Variants in FAM81B observed in about 807,000 individuals in gnomAD.
FAM81B encodes the protein protein FAM81B.
A neutral mutation model predicts 58.7 loss-of-function variants in FAM81B; 60 were observed. The observed-to-expected ratio is 1.02, with a 90% CI of 0.83 to 1.27. The LOEUF (loss-of-function observed/expected upper bound fraction) is 1.27, where lower values mean the gene tolerates loss of function less well. FAM81B is among the 50% of genes most tolerant of loss of function. The pLI is 0.00. For missense variants in FAM81B, 491 were observed against 522.0 expected, an observed-to-expected ratio of 0.94 and a Z score of 0.58; for synonymous variants, 189 against 179.6, an observed-to-expected ratio of 1.05 and a Z score of -0.42.
chr5:95,393,977 T>C (rs537975636), intron 2 of FAM81B, among the ~76,000 whole-genome samples: 7 of 152,308 alleles, frequency 4.6e-5, no homozygotes, highest in East Asian at 1.9e-4. Flanking sequence ...CTGACTCTTA[T>C]GTTCAATTAG....
chr5:95,402,979 C>CCTTG (rs1762153391), intron 3 of FAM81B, among the ~76,000 whole-genome samples: 1 of 152,226 alleles, frequency 6.6e-6, no homozygotes, highest in Non-Finnish European at 1.5e-5. Flanking sequence ...TGCTTTCCAA[C>CCTTG]CTGCCAAGCT....
chr5:95,421,131 T>A (rs1310304777), intron 5 of FAM81B, among the ~76,000 whole-genome samples: 3 of 152,230 alleles, frequency 2.0e-5, no homozygotes, highest in African/African-American at 7.2e-5. Context: ...TAAGCACTCA[T>A]CTTATGCCAG....
chr5:95,391,974 C>T lies in FAM81B; in HGVS notation c.124+461C>T, dbSNP rs557711801. 6.6e-5 allele frequency among the ~76,000 whole-genome samples: 10 copies of T among 152,262 alleles called. No individual in the cohort carries two copies. In the East Asian group the frequency reaches 1.5e-3, roughly 23 times the overall value. ...CCTCAAGGATCTAGAACTAGAAATACCATTTGATCCAGCAATCCCATTAAT... is the reference window on the plus strand; with the variant it reads ...CCTCAAGGATCTAGAACTAGAAATATCATTTGATCCAGCAATCCCATTAAT... On this transcript the variant is annotated intron_variant, in intron 1 of 9. Coordinates refer to ENST00000283357, the MANE Select transcript of FAM81B (RefSeq NM_152548.3).
At chr5:95,406,036 AC>A (rs2152761894) in intron 3 of FAM81B, 1 of 154,338 alleles carries the variant, frequency 6.5e-6, no homozygotes, top group South Asian at 2.0e-4. Flanking sequence ...TTGACATTTC[AC>A]GGAGTCAGAA....
intron 5 of FAM81B, 108 bp downstream of exon 5, chr5:95,420,510 A>T: frequency 4.1e-6 from 6 of 1,449,920 alleles, no homozygotes; most frequent in Non-Finnish European, 5.6e-6. Flanking sequence ...CTACACATTA[A>T]GCTAAACTAA....
At position 95,392,819 on chromosome 5, in the gene FAM81B, T is replaced by C; in HGVS notation, c.150T>C (p.Ser50=). 1 of 1,611,460 alleles carries C rather than the reference T, an allele frequency of 6.2e-7. No homozygotes were observed. Among genetic ancestry groups the C allele is most frequent in the African/African-American group, 1.3e-5 (1 of 74,994 alleles). ...ATACAAATGTAAACAAAAGTGCCTC[T>C]CCAACTGCGACTGCAGAGGAACAGC... ...SSDTNVNKSA[S]PTATAEEQPV... is the part of the protein sequence containing the mutation. The change falls in exon 2 of 10, where the codon TCT becomes TCC. Residue 50 remains serine, a synonymous_variant. Transcript: ENST00000283357.
At chr5:95,431,335 A>C (rs1385660979) in intron 6 of FAM81B, among the ~76,000 whole-genome samples, 1 of 152,012 alleles carries the variant, frequency 6.6e-6, no homozygotes, top group African/African-American at 2.4e-5. Flanking sequence ...TAGTTTTCCT[A>C]ATATGTGTCT....
chr5:95,448,179 T>C (rs1745654938), intron 8 of FAM81B, 90 bp from the exon 9 acceptor site: 6 of 1,258,774 alleles, frequency 4.8e-6, no homozygotes, highest in South Asian at 1.5e-5. Context: ...ATGCTTAACA[T>C]AGAAAAATGA....
At chr5:95,448,925 C>A in intron 9 of FAM81B, 1 of 286,040 alleles carries the variant, frequency 3.5e-6, no homozygotes, top group Non-Finnish European at 6.9e-6. Flanking sequence ...TAGCAGAGTC[C>A]AGTATAATGA....
intron 4 of FAM81B, among the ~76,000 whole-genome samples, chr5:95,418,372 G>T (rs1451391432): frequency 6.6e-6 from 1 of 152,040 alleles, no homozygotes; most frequent in Non-Finnish European, 1.5e-5. Context: ...CAGGGAAAAG[G>T]TTGAAGTTCT....
At chr5:95,443,498 T>C (rs915468764) in intron 7 of FAM81B, among the ~76,000 whole-genome samples, 1 of 152,176 alleles carries the variant, frequency 6.6e-6, no homozygotes, top group African/African-American at 2.4e-5. Flanking sequence ...CTCATACACC[T>C]ATTGAAATAG....
At chr5:95,404,896 A>G (rs551313856) in intron 3 of FAM81B, among the ~76,000 whole-genome samples, 100 of 152,308 alleles carry the variant, frequency 6.6e-4, no homozygotes, top group Non-Finnish European at 1.1e-3. Flanking sequence ...GAGAAGGCCT[A>G]TGTGGTTGAA....
chr5:95,421,484 G>A (rs1762682498), intron 5 of FAM81B, among the ~76,000 whole-genome samples: 1 of 152,214 alleles, frequency 6.6e-6, no homozygotes, highest in African/African-American at 2.4e-5. Flanking sequence ...TGGTATTTTG[G>A]AGAAGGCATT....
chr5:95,443,182 C>T (rs1383784662), intron 7 of FAM81B, among the ~76,000 whole-genome samples: 1 of 152,142 alleles, frequency 6.6e-6, no homozygotes, highest in South Asian at 2.1e-4. Context: ...CCAAGGAAGG[C>T]GGACCCTGGC....
intron 8 of FAM81B, among the ~76,000 whole-genome samples, chr5:95,447,898 G>A (rs912276044): frequency 2.6e-5 from 4 of 152,170 alleles, no homozygotes; most frequent in African/African-American, 9.7e-5. Context: ...GACTGGAATG[G>A]CGAGTCACTA....
chr5:95,393,683 T>A (rs1225661946), intron 2 of FAM81B, among the ~76,000 whole-genome samples: 2 of 152,188 alleles, frequency 1.3e-5, no homozygotes, highest in Non-Finnish European at 1.5e-5. Context: ...TTTCTTTCCA[T>A]AATAAGGGTT....
chr5:95,408,720 C>T (rs2152762468), intron 3 of FAM81B, among the ~76,000 whole-genome samples: 1 of 152,338 alleles, frequency 6.6e-6, no homozygotes, highest in East Asian at 1.9e-4. Flanking sequence ...AATAGACCCT[C>T]CATGGTGTTA....
rs1429951883 is a variant in FAM81B at position 95,435,416 on chromosome 5, T to C, written c.787-1384T>C. On this transcript the variant is annotated intron_variant, in intron 6 of 9. Transcript: ENST00000283357. Reference sequence around the variant, plus strand: ...GAATAATTTGAGATTTTCTTAATGTTGCATATGTGCTTGGTTGTTGCAGAT... The same window carrying C: ...GAATAATTTGAGATTTTCTTAATGTCGCATATGTGCTTGGTTGTTGCAGAT... Among the ~76,000 whole-genome samples, 4 of 152,244 alleles carry C rather than the reference T, an allele frequency of 2.6e-5. No individual in the cohort carries two copies. In the East Asian group the frequency reaches 7.7e-4, roughly 29 times the overall value.
intron 3 of FAM81B, among the ~76,000 whole-genome samples, chr5:95,406,803 G>A (rs1213821234): frequency 1.3e-5 from 2 of 152,058 alleles, no homozygotes; most frequent in Non-Finnish European, 2.9e-5. Context: ...ACCATAGTCA[G>A]CCCGGGATTT....
Sources: gnomAD v4.1 joint callset for allele counts (sites outside exome capture counted in the v4.1 genomes callset) on GRCh38, gnomAD v4.1.1 for gene constraint, MANE v1.5 for transcripts, NCBI Gene and HGNC (gene_info 2026-07-23, HGNC 2026-07-21) for gene names.